The following CALCRL variants were observed in gnomAD, a reference collection of about 807,000 sequenced individuals.
CALCRL encodes the protein calcitonin gene-related peptide type 1 receptor.
Under a neutral mutation model 60.4 loss-of-function variants are expected in CALCRL, and 27 were observed. The observed-to-expected ratio is 0.45, with a 90% CI of 0.33 to 0.62. The LOEUF is 0.62. CALCRL is among the 20% of genes least tolerant of loss of function. CALCRL has a pLI of 0.03. For synonymous variants in CALCRL, 190 were observed against 182.6 expected, an observed-to-expected ratio of 1.04 and a Z score of -0.33; for missense variants, 424 against 540.7, an observed-to-expected ratio of 0.78 and a Z score of 2.14.
At chr2:187,351,382 T>G (rs920088391) in intron 14 of CALCRL, among the ~76,000 whole-genome samples, 4 of 151,530 alleles carry the variant, frequency 2.6e-5, no homozygotes, top group African/African-American at 7.3e-5. Flanking sequence ...TACTGAAGAG[T>G]ACATGGTCAT....
At chr2:187,430,123 A>AT (rs1336553523) in intron 1 of CALCRL, among the ~76,000 whole-genome samples, 3 of 152,236 alleles carry the variant, frequency 2.0e-5, no homozygotes, top group South Asian at 2.1e-4. Context: ...ATAAGTAGGC[A>AT]TTTTGAGCAT....
At chr2:187,358,118 C>T (rs895691454) in intron 12 of CALCRL, among the ~76,000 whole-genome samples, 3 of 151,994 alleles carry the variant, frequency 2.0e-5, no homozygotes, top group Non-Finnish European at 4.4e-5. Context: ...GTGGAGGCCA[C>T]GGCAGAAGGA....
Position 187,402,420 on chromosome 2 carries a change from A to AGTGTGT in CALCRL, c.-292-14670_-292-14665dup, listed in dbSNP as rs59396175. 1.3e-4 allele frequency among the ~76,000 whole-genome samples: 19 copies of AGTGTGT among 148,518 alleles called. No individual in the cohort carries two copies. The East Asian group carries it at 1.4e-3, about 11-fold the overall frequency. On this transcript the variant is annotated intron_variant, in intron 1 of 14. Coordinates refer to ENST00000392370, the MANE Select transcript of CALCRL (RefSeq NM_005795.6). ...TTTACATGGAGGAAGTATGTTTGTGAGTGTGTGTGTGTGTGTATGTGAGAG... is the reference window on the plus strand; with the variant it reads ...TTTACATGGAGGAAGTATGTTTGTGAGTGTGTGTGTGTGTGTGTGTGTATGTGAGAG...
At chr2:187,447,690 G>A (rs1222877443) in intron 1 of CALCRL, among the ~76,000 whole-genome samples, 1 of 151,948 alleles carries the variant, frequency 6.6e-6, no homozygotes, top group Non-Finnish European at 1.5e-5. Flanking sequence ...GGGGAGAAAT[G>A]TTTTCCAGTT....
At chr2:187,391,693 A>G (rs1385906821) in intron 1 of CALCRL, among the ~76,000 whole-genome samples, 3 of 152,134 alleles carry the variant, frequency 2.0e-5, no homozygotes, top group African/African-American at 7.2e-5. Context: ...TTTCTTTACT[A>G]TGCAAAAAGA....
At chr2:187,400,842 T>G (rs1688858059) in intron 1 of CALCRL, among the ~76,000 whole-genome samples, 1 of 151,480 alleles carries the variant, frequency 6.6e-6, no homozygotes, top group Admixed American at 6.6e-5. Context: ...GGCAAATCTA[T>G]AAAGGTGAAG....
chr2:187,442,070 T>TTATATA (rs370387256), intron 1 of CALCRL: 173 of 127,334 alleles, frequency 1.4e-3, no homozygotes, highest in African/African-American at 3.2e-3. Context: ...CTTAAAAACA[T>TTATATA]TATATATATA....
intron 1 of CALCRL, among the ~76,000 whole-genome samples, chr2:187,399,465 T>C (rs572600890): frequency 9.2e-5 from 14 of 151,554 alleles, no homozygotes; most frequent in African/African-American, 2.9e-4. Context: ...AGATAGGACA[T>C]TGAAAGCAAA....
intron 1 of CALCRL, among the ~76,000 whole-genome samples, chr2:187,409,281 C>A (rs918166064): frequency 2.0e-5 from 3 of 152,128 alleles, no homozygotes; most frequent in Non-Finnish European, 4.4e-5. Context: ...GTCAGGATTT[C>A]TCTCTGGATC....
intron 1 of CALCRL, among the ~76,000 whole-genome samples, chr2:187,430,301 A>G (rs1331518799): frequency 6.6e-6 from 1 of 152,220 alleles, no homozygotes; most frequent in Non-Finnish European, 1.5e-5. Flanking sequence ...CTGGGAATTT[A>G]AAAATCACAG....
At chr2:187,353,805 T>C (rs1686646907) in intron 12 of CALCRL, among the ~76,000 whole-genome samples, 1 of 151,988 alleles carries the variant, frequency 6.6e-6, no homozygotes, top group Non-Finnish European at 1.5e-5. Context: ...TTTATAATCT[T>C]AATACATTAA....
intron 1 of CALCRL, among the ~76,000 whole-genome samples, chr2:187,413,064 T>C (rs1303657437): frequency 6.6e-6 from 1 of 152,128 alleles, no homozygotes; most frequent in Non-Finnish European, 1.5e-5. Context: ...TATATAAGGA[T>C]TTATCTCTGT....
At chr2:187,365,765 G>T (rs1181762310) in intron 8 of CALCRL, among the ~76,000 whole-genome samples, 1 of 152,094 alleles carries the variant, frequency 6.6e-6, no homozygotes, top group Admixed American at 6.5e-5. Flanking sequence ...GGATGCAACT[G>T]GAGGACACTA....
intron 8 of CALCRL, among the ~76,000 whole-genome samples, chr2:187,366,381 G>GA (rs1043277093): frequency 6.6e-6 from 1 of 151,210 alleles, no homozygotes; most frequent in Admixed American, 6.6e-5. Context: ...GTAAAAATTA[G>GA]AAAAAAATTA....
chr2:187,367,738 C>A (rs1313961472), intron 8 of CALCRL, among the ~76,000 whole-genome samples: 1 of 152,016 alleles, frequency 6.6e-6, no homozygotes, highest in Non-Finnish European at 1.5e-5. Context: ...CCTTCGATTT[C>A]TTTAAATTTT....
At chr2:187,361,177 GAA>G (rs1488129786) in intron 9 of CALCRL, among the ~76,000 whole-genome samples, 2 of 488 alleles carry the variant, frequency 4.1e-3, no homozygotes, top group East Asian at 0.083. Flanking sequence ...CCAAATACTT[GAA>G]AAGTTTGCAT....
intron 14 of CALCRL, among the ~76,000 whole-genome samples, chr2:187,346,796 G>T (rs1046461301): frequency 2.6e-5 from 4 of 151,582 alleles, no homozygotes; most frequent in African/African-American, 9.7e-5. Context: ...CAGGATAAGC[G>T]AAAGATACAC....
chr2:187,375,716 G>A (rs1687729700), intron 8 of CALCRL, among the ~76,000 whole-genome samples: 1 of 152,166 alleles, frequency 6.6e-6, no homozygotes, highest in Non-Finnish European at 1.5e-5. Flanking sequence ...AATGAGGAAT[G>A]TGCCTACAGG....
chr2:187,371,173 G>A (rs1687501904), intron 8 of CALCRL, among the ~76,000 whole-genome samples: 1 of 151,710 alleles, frequency 6.6e-6, no homozygotes, highest in Admixed American at 6.6e-5. Flanking sequence ...GAACCTGGGC[G>A]GGAGCTTGCA....
Sources: gnomAD v4.1 joint callset for allele counts (sites outside exome capture counted in the v4.1 genomes callset) on GRCh38, gnomAD v4.1.1 for gene constraint, MANE v1.5 for transcripts, NCBI Gene and HGNC (gene_info 2026-07-23, HGNC 2026-07-21) for gene names.